Variants in ANK3 observed in about 807,000 individuals in gnomAD.
ANK3 encodes ankyrin-3.
A neutral mutation model predicts 370.9 loss-of-function variants in ANK3; 57 were observed. The ratio of observed to expected loss-of-function variants is 0.15; its 90% CI spans 0.12 to 0.19. The LOEUF is 0.19. ANK3 is among the 10% of genes least tolerant of loss of function. The probability of loss-of-function intolerance (pLI) is 1.00; values close to 1 mark genes in which losing one functional copy is unlikely to be tolerated. For missense variants in ANK3, 4,439 were observed against 5,302.1 expected (o/e 0.84, Z 5.06); for synonymous variants, 1,929 against 1,946.3 (o/e 0.99, Z 0.23).
chr10:60,647,554 A>C (rs1372370737), intron 1 of ANK3, among the ~76,000 whole-genome samples: 1 of 152,146 alleles, frequency 6.6e-6, no homozygotes, highest in Admixed American at 6.6e-5. Flanking sequence ...TAGATGATAC[A>C]GAAGAATCTC....
At chr10:60,084,951 G>A in intron 31 of ANK3, 121 bp from the exon 32 acceptor site, 2 of 795,170 alleles carry the variant, frequency 2.5e-6, no homozygotes, top group Non-Finnish European at 3.8e-6. Flanking sequence ...TTATTAACTT[G>A]TTCATTTAAA....
At chr10:60,437,281 T>A (rs953602632) in intron 2 of ANK3, among the ~76,000 whole-genome samples, 4 of 152,088 alleles carry the variant, frequency 2.6e-5, no homozygotes, top group African/African-American at 9.7e-5. Context: ...TGCCACATTT[T>A]ATGAAGGATT....
intron 6 of ANK3, among the ~76,000 whole-genome samples, chr10:60,262,611 T>C (rs2097823753): frequency 1.3e-5 from 2 of 152,216 alleles, no homozygotes; most frequent in Admixed American, 6.5e-5. Context: ...TGAAACCTTA[T>C]AGGAACTAGA....
chr10:60,149,077 T>A (rs189889611), intron 23 of ANK3, among the ~76,000 whole-genome samples: 2 of 152,350 alleles, frequency 1.3e-5, no homozygotes, highest in Admixed American at 1.3e-4. Flanking sequence ...ACACCCAAAT[T>A]GCCTATCATT....
chr10:60,280,913 A>C (rs2098152777), intron 1 of ANK3, among the ~76,000 whole-genome samples: 1 of 152,148 alleles, frequency 6.6e-6, no homozygotes, highest in Non-Finnish European at 1.5e-5. Context: ...ACTACACAAC[A>C]TCACAGATTT....
At chr10:60,626,930 A>C (rs1285609948) in intron 1 of ANK3, among the ~76,000 whole-genome samples, 1 of 152,114 alleles carries the variant, frequency 6.6e-6, no homozygotes, top group Non-Finnish European at 1.5e-5. Context: ...TTTTCGAGAA[A>C]ACCACATAGA....
intron 1 of ANK3, among the ~76,000 whole-genome samples, chr10:60,681,953 A>G (rs755069215): frequency 1.3e-5 from 2 of 152,118 alleles, no homozygotes; most frequent in African/African-American, 2.4e-5. Context: ...GGAGTTCAAG[A>G]CCAGCCTGGA....
chr10:60,556,626 T>G (rs1267168959), intron 2 of ANK3, among the ~76,000 whole-genome samples: 2 of 152,150 alleles, frequency 1.3e-5, no homozygotes, highest in African/African-American at 4.8e-5. Context: ...TACAAAATTT[T>G]TACTATATTT....
At chr10:60,376,857 G>A (rs1259655431) in intron 1 of ANK3, among the ~76,000 whole-genome samples, 1 of 152,160 alleles carries the variant, frequency 6.6e-6, no homozygotes, top group East Asian at 1.9e-4. Context: ...TGGATTCCTA[G>A]TATTAATATA....
intron 2 of ANK3, among the ~76,000 whole-genome samples, chr10:60,535,776 TAA>T (rs1286979258): frequency 1.3e-5 from 2 of 151,868 alleles, no homozygotes; most frequent in Non-Finnish European, 2.9e-5. Flanking sequence ...ATATACTACA[TAA>T]AGAGATAAAA....
At chr10:60,676,566 A>G (rs1450556184) in intron 1 of ANK3, among the ~76,000 whole-genome samples, 3 of 152,200 alleles carry the variant, frequency 2.0e-5, no homozygotes, top group Non-Finnish European at 4.4e-5. Flanking sequence ...ACTAACACAA[A>G]TACATTTCAA....
rs773156778 is a variant in ANK3 at position 60,059,392 on chromosome 10, A to C, written c.12634T>G (p.Cys4212Gly). The change falls in exon 41 of 44, where the codon TGC becomes GGC. Residue 4212 changes from cysteine to glycine, a missense_variant. Physicochemically the swap from Cys to Gly is radical, Grantham distance 159. Around this residue, in one of 13 missense-constraint regions of ANK3, gnomAD observed 242 missense variants for 228.0 expected, o/e 1.06. Transcript: ENST00000280772. ...CCAGTTACTCTTCGAGCTTGAGCGC[A>C]GGACTCTAGGTTTCCACTTGATGTC... The part of the protein sequence containing the change: ...NETSSGNLES[C>G]AQARRVTGGL... The C allele has an allele frequency of 6.2e-7, 1 of 1,614,132 alleles. No individual in the cohort carries two copies. Among genetic ancestry groups the C allele is most frequent in the South Asian group, 1.1e-5 (1 of 91,082 alleles).
At chr10:60,502,160 A>G (rs1490589518) in intron 2 of ANK3, among the ~76,000 whole-genome samples, 1 of 152,192 alleles carries the variant, frequency 6.6e-6, no homozygotes, top group Non-Finnish European at 1.5e-5. Flanking sequence ...CTGAAGCCTC[A>G]AGAATGAATT....
At chr10:60,538,730 G>A (rs1335036120) in intron 2 of ANK3, among the ~76,000 whole-genome samples, 53 of 151,794 alleles carry the variant, frequency 3.5e-4, no homozygotes, top group Admixed American at 3.5e-3. Context: ...TCTAAAGGCA[G>A]GGGTTATCTT....
At chr10:60,593,772 C>T (rs936300304) in intron 2 of ANK3, among the ~76,000 whole-genome samples, 9 of 152,078 alleles carry the variant, frequency 5.9e-5, no homozygotes, top group African/African-American at 9.7e-5. Flanking sequence ...GGATGGTTGC[C>T]TCACTCAAGT....
chr10:60,491,164 A>G (rs1393599352), intron 2 of ANK3, among the ~76,000 whole-genome samples: 2 of 146,212 alleles, frequency 1.4e-5, no homozygotes, highest in African/African-American at 5.2e-5. Context: ...AATATAGCAC[A>G]CTATTCATCT....
intron 2 of ANK3, among the ~76,000 whole-genome samples, chr10:60,525,406 T>G (rs1408673312): frequency 6.6e-6 from 1 of 152,112 alleles, no homozygotes. Context: ...AATACACATG[T>G]TGTTTCAATA....
At chr10:60,158,275 A>G (rs2095406139) in intron 23 of ANK3, among the ~76,000 whole-genome samples, 1 of 152,230 alleles carries the variant, frequency 6.6e-6, no homozygotes, top group Non-Finnish European at 1.5e-5. Flanking sequence ...ACAAGAAATC[A>G]TTTAAATGCA....
At chr10:60,668,434 G>C (rs2079026007) in intron 1 of ANK3, among the ~76,000 whole-genome samples, 1 of 148,262 alleles carries the variant, frequency 6.7e-6, no homozygotes, top group African/African-American at 2.6e-5. Flanking sequence ...CCGACTCATG[G>C]TTATAAATAA....
Sources: allele counts gnomAD v4.1 joint callset (sites outside exome capture counted in the v4.1 genomes callset), GRCh38; gene constraint gnomAD v4.1.1; regional missense constraint gnomAD v4.1.1; transcripts MANE v1.5; gene names NCBI Gene and HGNC (gene_info 2026-07-23, HGNC 2026-07-21).